EPHB6: variants seen among roughly 807,000 people sequenced by gnomAD.
EPHB6 encodes the protein EPH receptor B6, also known as ephrin type-B receptor 6.
In EPHB6, 51 loss-of-function variants were observed where a neutral mutation model predicts 107.0. That is an observed-to-expected ratio of 0.48 (90% CI 0.38 to 0.60). EPHB6 has a LOEUF of 0.60. Ranked by LOEUF, EPHB6 falls within the 20% of genes least tolerant of loss-of-function variation. EPHB6 has a pLI of 0.00. For missense variants in EPHB6, 1,141 were observed against 1,355.5 expected (o/e 0.84, Z 2.48); for synonymous variants, 553 against 549.0 (o/e 1.01, Z -0.10).
At position 142,870,211 on chromosome 7, in the gene EPHB6, C is replaced by T. The variant is rs1480564664; in HGVS notation, c.2611-3C>T. On this transcript the variant is annotated splice_polypyrimidine_tract_variant and splice_region_variant and intron_variant, in intron 17 of 19. Transcript: ENST00000652003. ...ATCGTCATAGTCTTCCTCTGACCCCCAGGTACTAAATGCAATAGAGCAGGA... is the reference window on the plus strand; with the variant it reads ...ATCGTCATAGTCTTCCTCTGACCCCTAGGTACTAAATGCAATAGAGCAGGA... 1.9e-6 allele frequency: 3 copies of T among 1,613,986 alleles called. No homozygotes were observed. Among genetic ancestry groups the T allele is most frequent in the African/African-American group, 1.3e-5 (1 of 74,916 alleles).
In EPHB6 at chr7:142,867,560, C is replaced by T. The variant is rs375042510; in HGVS notation, c.1751-48C>T. ...GGGTGCCTGGGCACATGAACAAGCA[C>T]CTGTGAGAGACCTGGCCCACCTGTG... is the stretch of plus-strand genomic sequence containing the variant. On this transcript the variant is annotated intron_variant, in intron 11 of 19. Transcript: ENST00000652003. This position sits in a 1 kb window ranked among gnomAD's most constrained non-coding sequence, Gnocchi z 5.3. The T allele has an allele frequency of 1.3e-6, 2 of 1,525,442 alleles. No homozygotes were observed. The highest frequency in any genetic ancestry group is 1.8e-6 in the Non-Finnish European group (2 of 1,113,030). 94.5% of individuals were successfully genotyped at this position (1,525,442 alleles called of 1,614,324 possible).
chr7:142,868,161 G>T lies in EPHB6; in HGVS notation c.1919-80G>T, dbSNP rs1422129006. 6.2e-7 allele frequency: 1 copy of T among 1,613,850 alleles called. No individual in the cohort carries two copies. The highest frequency in any genetic ancestry group is 1.3e-5 in the African/African-American group (1 of 74,894). The stretch of plus-strand genomic sequence containing the variant: ...GGGAGCTCCTTGGCACAACCTTCTG[G>T]AGGTAAGTGGGCATGTCTGGGGTGC... On this transcript the variant is annotated intron_variant, in intron 13 of 19. Transcript: ENST00000652003. This position sits in a 1 kb window ranked among gnomAD's most constrained non-coding sequence, Gnocchi z 4.2.
rs1375612811 is a variant in EPHB6 at position 142,864,421 on chromosome 7, A to C, written c.621A>C (p.Gln207His). 1 of 1,612,020 alleles carries C rather than the reference A, an allele frequency of 6.2e-7. No homozygotes were observed. Among genetic ancestry groups the C allele is most frequent in the South Asian group, 1.1e-5 (1 of 91,064 alleles). ...AGCGGAGCTTTGGGCCTCTCACCCA[A>C]CGCGGCTTCTACGTGGCCTTCCAGG... is the stretch of plus-strand genomic sequence containing the variant. ...VKERSFGPLT[Q>H]RGFYVAFQDT... Residue 207 changes from glutamine to histidine, a missense_variant, in exon 7 of 20, where the codon CAA (glutamine) becomes CAC (histidine). Transcript: ENST00000652003.
At position 142,864,527 on chromosome 7, in the gene EPHB6, T is replaced by C; in HGVS notation, c.727T>C (p.Phe243Leu). The change falls in exon 7 of 20, where the codon TTT becomes CTT. Residue 243 changes from phenylalanine (F) to leucine (L), a missense_variant. By Grantham distance (22) the Phe-to-Leu change is conservative. This residue lies in a region of EPHB6 where 304 missense variants were observed against 295.7 expected (regional missense o/e 1.03). Coordinates refer to ENST00000652003, the MANE Select transcript of EPHB6 (RefSeq NM_004445.6). The stretch of plus-strand genomic sequence containing the variant: ...TGCCGTGCTCCGATCCTTTGCTTCC[T>C]TTCCAGAGACGCAGGCCAGTGGGGC... The part of the protein sequence containing the change: ...CPAVLRSFAS[F>L]PETQASGAGG... 1 of 1,613,508 alleles carries C rather than the reference T, an allele frequency of 6.2e-7. No homozygotes were observed. Among genetic ancestry groups the C allele is most frequent in the South Asian group, 1.1e-5 (1 of 91,088 alleles).
Position 142,870,984 on chromosome 7 carries a change from T to G in EPHB6, c.*80T>G. The G allele has an allele frequency of 7.3e-7, 1 of 1,376,884 alleles. No homozygotes were observed. Among genetic ancestry groups the G allele is most frequent in the Admixed American group, 1.9e-5 (1 of 52,016 alleles). 85.3% of individuals were successfully genotyped at this position (1,376,884 alleles called of 1,614,324 possible). A position where few individuals can be genotyped will look rare whatever the true frequency, so the allele number is the denominator to read the frequency against. On this transcript the variant is annotated 3_prime_UTR_variant, in exon 20 of 20. Coordinates refer to ENST00000652003, the MANE Select transcript of EPHB6 (RefSeq NM_004445.6). ...GGACGTGAGCCGGGCTCCAACAGCC[T>G]CTGTGAGAGATGCCCCACACCAAAC...
chr7:142,866,551 G>A lies in EPHB6; in HGVS notation c.1533G>A (p.Gln511=). The part of the protein sequence containing the change: ...ASNSITVSWP[Q]PDQTNGNILD... ...ACAGCATCACGGTGTCCTGGCCGCA[G>A]CCCGACCAGACCAATGGGAACATCC... Residue 511 remains glutamine, a synonymous_variant, in exon 10 of 20, where the codon CAG becomes CAA. Coordinates refer to ENST00000652003, the MANE Select transcript of EPHB6 (RefSeq NM_004445.6). This position sits in a 1 kb window ranked among gnomAD's most constrained non-coding sequence, Gnocchi z 5.2. 1 of 1,614,174 alleles carries A rather than the reference G, an allele frequency of 6.2e-7. No homozygotes were observed. Among genetic ancestry groups the A allele is most frequent in the African/African-American group, 1.3e-5 (1 of 75,050 alleles).
Position 142,871,009 on chromosome 7 carries a change from C to A in EPHB6, c.*105C>A. On this transcript the variant is annotated 3_prime_UTR_variant, in exon 20 of 20. Coordinates refer to ENST00000652003, the MANE Select transcript of EPHB6 (RefSeq NM_004445.6). ...TCTGTGAGAGATGCCCCACACCAAA[C>A]CCAACCCTCCCGATGGCTGCATTCC... 9.6e-7 allele frequency: 1 copy of A among 1,044,108 alleles called. No individual in the cohort carries two copies. The highest frequency in any genetic ancestry group is 1.4e-6 in the Non-Finnish European group (1 of 710,038). The allele number at this position is 1,044,108 out of a possible 1,614,324, so 64.7% of individuals were successfully genotyped here.
At position 142,868,815 on chromosome 7, in the gene EPHB6, GCTT is replaced by G. The variant is rs764393128; in HGVS notation, c.2286+80_2286+82del. On this transcript the variant is annotated intron_variant, in intron 15 of 19. Transcript: ENST00000652003. The surrounding 1 kb of genome is among the most constrained non-coding windows in gnomAD (Gnocchi z 4.2). ...CCAGGAGACGAGGTCCTGTATCTTTGCTTCTTACCACCCCACCTTCCATGGTCT... is the reference window on the plus strand; with the variant it reads ...CCAGGAGACGAGGTCCTGTATCTTTGCTTACCACCCCACCTTCCATGGTCT... The G allele has an allele frequency of 2.2e-4, 359 of 1,611,064 alleles. 1 individual carries two copies. Among genetic ancestry groups the G allele is most frequent in the South Asian group, 4.1e-4 (37 of 90,914 alleles).
chr7:142,855,113 G>A lies in EPHB6; in HGVS notation c.-704G>A, dbSNP rs531699317. 36 of 152,384 alleles carry A rather than the reference G, an allele frequency of 2.4e-4. No homozygotes were observed. The highest frequency in any genetic ancestry group is 7.7e-4 in the African/African-American group (32 of 41,576). The allele number at this position is 152,384 out of a possible 1,614,324, so 9.4% of individuals were successfully genotyped here. The stretch of plus-strand genomic sequence containing the variant: ...CTCCAGCCGCGGCTCTACAGCAGCG[G>A]GCGGCGGGACCCGGGACCCAGCTTG... On this transcript the variant is annotated 5_prime_UTR_variant, in exon 1 of 20. Coordinates refer to ENST00000652003, the MANE Select transcript of EPHB6 (RefSeq NM_004445.6). The surrounding 1 kb of genome is among the most constrained non-coding windows in gnomAD (Gnocchi z 4.2).
Position 142,867,802 on chromosome 7 carries a change from C to G in EPHB6, c.1865+80C>G. 6.8e-7 allele frequency: 1 copy of G among 1,466,418 alleles called. No individual in the cohort carries two copies. Among genetic ancestry groups the G allele is most frequent in the African/African-American group, 1.4e-5 (1 of 71,698 alleles). 90.8% of individuals were successfully genotyped at this position (1,466,418 alleles called of 1,614,324 possible). ...CCTCAAGTCCTGCCAAGTCTGGAGC[C>G]CCCTGCAGAAACCTCACACTGGTGC... On this transcript the variant is annotated intron_variant, in intron 12 of 19. Coordinates refer to ENST00000652003, the MANE Select transcript of EPHB6 (RefSeq NM_004445.6). The surrounding 1 kb of genome is among the most constrained non-coding windows in gnomAD (Gnocchi z 5.3).
In EPHB6 at chr7:142,867,698, C is replaced by G. The variant is rs1356281637; in HGVS notation, c.1841C>G (p.Thr614Ser). 3 of 1,612,914 alleles carry G rather than the reference C, an allele frequency of 1.9e-6. No individual in the cohort carries two copies. Among genetic ancestry groups the G allele is most frequent in the Non-Finnish European group, 1.7e-6 (2 of 1,179,844 alleles). The change falls in exon 12 of 20, where the codon ACC (threonine) becomes AGC (serine). Residue 614 changes from threonine to serine, a missense_variant. Thr to Ser is a moderately conservative substitution (Grantham distance 58, BLOSUM62 1). This residue lies in a region of EPHB6 where 616 missense variants were observed against 759.3 expected (regional missense o/e 0.81). Transcript: ENST00000652003. This position sits in a 1 kb window ranked among gnomAD's most constrained non-coding sequence, Gnocchi z 5.3. The stretch of plus-strand genomic sequence containing the variant: ...GCCTTCCTCCTGCTGGCAGCCATCA[C>G]CGTGCTGGCGGTCGTCTTCCAGCGG... ...ALAFLLLAAI[T>S]VLAVVFQRKR...
intron 1 of EPHB6, among the ~76,000 whole-genome samples, chr7:142,856,919 C>T (rs986105464): frequency 2.6e-5 from 4 of 152,250 alleles, no homozygotes; most frequent in African/African-American, 9.6e-5. Context: ...CCCTTACACA[C>T]TCCACCAGGT....
rs373264084 is a variant in EPHB6 at position 142,870,316 on chromosome 7, C to T, written c.2713C>T (p.Arg905Trp). 33 of 1,614,086 alleles carry T rather than the reference C, an allele frequency of 2.0e-5. No homozygotes were observed. The highest frequency in any genetic ancestry group is 3.3e-4 in the Middle Eastern group (2 of 6,084). ...MLDTWQKDRA[R>W]RPHFDQLVAA... ...GGACACTTGGCAGAAGGACCGTGCCCGGCGGCCTCATTTTGACCAGCTGGT... is the reference window on the plus strand; with the variant it reads ...GGACACTTGGCAGAAGGACCGTGCCTGGCGGCCTCATTTTGACCAGCTGGT... Residue 905 changes from arginine to tryptophan, a missense_variant, in exon 18 of 20, where the codon CGG (arginine) becomes TGG (tryptophan). Physicochemically the swap from Arg to Trp is moderately radical, Grantham distance 101. Coordinates refer to ENST00000652003, the MANE Select transcript of EPHB6 (RefSeq NM_004445.6).
At position 142,868,479 on chromosome 7, in the gene EPHB6, C is replaced by G; in HGVS notation, c.2039-13C>G. On this transcript the variant is annotated splice_polypyrimidine_tract_variant and intron_variant, in intron 14 of 19. Transcript: ENST00000652003. The surrounding 1 kb of genome is among the most constrained non-coding windows in gnomAD (Gnocchi z 4.2). ...GCCTTGATCCCCACCCCAACCTACACCTATTTTCCCAGGCTCTTTTGGAGA... is the reference window on the plus strand; with the variant it reads ...GCCTTGATCCCCACCCCAACCTACAGCTATTTTCCCAGGCTCTTTTGGAGA... The G allele has an allele frequency of 6.2e-7, 1 of 1,614,180 alleles. No homozygotes were observed. Among genetic ancestry groups the G allele is most frequent in the Non-Finnish European group, 8.5e-7 (1 of 1,180,040 alleles).
At chr7:142,861,560 T>C (rs1295758586) in intron 2 of EPHB6, among the ~76,000 whole-genome samples, 1 of 152,232 alleles carries the variant, frequency 6.6e-6, no homozygotes, top group Non-Finnish European at 1.5e-5. Context: ...TGTGTATATA[T>C]CCTTCTTAAC....
Position 142,856,072 on chromosome 7 carries a change from A to G in EPHB6, c.-432+687A>G, listed in dbSNP as rs565857061. 1.2e-3 allele frequency among the ~76,000 whole-genome samples: 178 copies of G among 152,284 alleles called. 2 individuals carry two copies. The highest frequency in any genetic ancestry group is 4.2e-3 in the African/African-American group (173 of 41,548). ...TCCTCCCATCCCTGGGGGAGCTGGC[A>G]TGGACCCAGCATAGCAATGTTGTAA... is the stretch of plus-strand genomic sequence containing the variant. On this transcript the variant is annotated intron_variant, in intron 1 of 19. Coordinates refer to ENST00000652003, the MANE Select transcript of EPHB6 (RefSeq NM_004445.6).
Position 142,867,518 on chromosome 7 carries a change from G to C in EPHB6, c.1751-90G>C. The C allele has an allele frequency of 9.2e-7, 1 of 1,083,930 alleles. No individual in the cohort carries two copies. Among genetic ancestry groups the C allele is most frequent in the East Asian group, 2.5e-5 (1 of 40,094 alleles). 67.1% of individuals were successfully genotyped at this position (1,083,930 alleles called of 1,614,324 possible). ...TGGGGCATGCGCGTGCATGTTGTGT[G>C]TGCCTGTGGTGTGTGTGGGTGCCTG... On this transcript the variant is annotated intron_variant, in intron 11 of 19. Coordinates refer to ENST00000652003, the MANE Select transcript of EPHB6 (RefSeq NM_004445.6). This position sits in a 1 kb window ranked among gnomAD's most constrained non-coding sequence, Gnocchi z 5.3.
chr7:142,857,783 C>T (rs1206455955), intron 1 of EPHB6, among the ~76,000 whole-genome samples: 1 of 152,218 alleles, frequency 6.6e-6, no homozygotes, highest in Non-Finnish European at 1.5e-5. Flanking sequence ...CTTTGCTTGA[C>T]ATCGTCGAAG....
chr7:142,860,523 C>T (rs188737204), intron 1 of EPHB6, among the ~76,000 whole-genome samples: 1 of 152,288 alleles, frequency 6.6e-6, no homozygotes, highest in African/African-American at 2.4e-5. Flanking sequence ...ATAGCTATGC[C>T]TGCTTTTTAC....
Sources: gnomAD v4.1 joint callset for allele counts (sites outside exome capture counted in the v4.1 genomes callset) on GRCh38, gnomAD v4.1.1 for gene constraint, gnomAD v4.1.1 regional missense constraint, Gnocchi (gnomAD v3.1) non-coding constraint, MANE v1.5 for transcripts, NCBI Gene and HGNC (gene_info 2026-07-23, HGNC 2026-07-21) for gene names.